Variants in WAC observed in about 807,000 individuals in gnomAD.
WAC encodes the protein WW domain-containing adapter protein with coiled-coil.
WAC carries 11 observed loss-of-function variants against 79.6 expected under a neutral mutation model. The observed-to-expected ratio is 0.14, with a 90% CI of 0.09 to 0.23. The LOEUF (loss-of-function observed/expected upper bound fraction) is 0.23. Among genes scored for constraint, WAC ranks in the 10% least tolerant of loss-of-function variants. The pLI is 1.00. For synonymous variants in WAC, 304 were observed against 276.9 expected (o/e 1.10, Z -0.97); for missense variants, 728 against 773.5 (o/e 0.94, Z 0.70).
chr10:28,606,159 T>A (rs1338971512), intron 7 of WAC, among the ~76,000 whole-genome samples: 1 of 152,088 alleles, frequency 6.6e-6, no homozygotes, highest in African/African-American at 2.4e-5. Context: ...CAGGTGGTTC[T>A]CCCACCTCAG....
At chr10:28,599,722 C>T (rs1391432409) in intron 7 of WAC, among the ~76,000 whole-genome samples, 1 of 152,182 alleles carries the variant, frequency 6.6e-6, no homozygotes, top group South Asian at 2.1e-4. Context: ...TTTGTGCCTG[C>T]ATGAGTAGTC....
At chr10:28,587,330 T>C (rs1564402799) in intron 4 of WAC, among the ~76,000 whole-genome samples, 1 of 152,228 alleles carries the variant, frequency 6.6e-6, no homozygotes, top group East Asian at 1.9e-4. Context: ...CGTATCTGCT[T>C]CTGCATTCAA....
At chr10:28,601,244 G>C (rs866331605) in intron 7 of WAC, among the ~76,000 whole-genome samples, 7 of 152,026 alleles carry the variant, frequency 4.6e-5, no homozygotes, top group Non-Finnish European at 1.0e-4. Context: ...TTCATAAATG[G>C]GCAAAGGACT....
In WAC at chr10:28,619,882, C is replaced by A; in HGVS notation, c.*276C>A. The A allele has an allele frequency of 4.1e-6, 1 of 242,926 alleles. No individual in the cohort carries two copies. 15.0% of individuals were successfully genotyped at this position (242,926 alleles called of 1,614,324 possible). A position where few individuals can be genotyped will look rare whatever the true frequency, so the allele number is the denominator to read the frequency against. On this transcript the variant is annotated 3_prime_UTR_variant, in exon 14 of 14. Transcript: ENST00000354911. ...GAAGCCATGTGTAACAGAGCTTAGA[C>A]ATCCAAAACTAATCAATGCTGAGGT... is the stretch of plus-strand genomic sequence containing the variant.
chr10:28,546,429 G>C (rs1031121265), intron 3 of WAC, among the ~76,000 whole-genome samples: 1 of 152,190 alleles, frequency 6.6e-6, no homozygotes, highest in Non-Finnish European at 1.5e-5. Flanking sequence ...TAGAAGTACT[G>C]TTCTCTGCTG....
intron 2 of WAC, 29 bp from the exon 3 acceptor site, chr10:28,535,533 T>C: frequency 6.5e-7 from 1 of 1,528,968 alleles, no homozygotes; most frequent in Non-Finnish European, 8.8e-7. Flanking sequence ...ATTCTTTCTC[T>C]CTTTTTTTGG....
Position 28,563,101 on chromosome 10 carries a change from C to T in WAC, c.275-20298C>T, listed in dbSNP as rs541857170. 2.0e-5 allele frequency among the ~76,000 whole-genome samples: 3 copies of T among 152,256 alleles called. No individual in the cohort carries two copies. In the East Asian group the frequency reaches 5.8e-4, roughly 29 times the overall value. ...TTTATTTTTTGTAGAGATAGGGTTT[C>T]ACCATGTTGGCCAGGGTGGTCTCGA... On this transcript the variant is annotated intron_variant, in intron 3 of 13. Transcript: ENST00000354911.
At chr10:28,541,423 T>G (rs1239266452) in intron 3 of WAC, among the ~76,000 whole-genome samples, 2 of 136,150 alleles carry the variant, frequency 1.5e-5, no homozygotes, top group African/African-American at 5.4e-5. Context: ...GTGTTTTGTT[T>G]TTTTTTTTTT....
At chr10:28,574,958 C>G (rs374358837) in intron 3 of WAC, among the ~76,000 whole-genome samples, 55 of 150,352 alleles carry the variant, frequency 3.7e-4, no homozygotes, top group African/African-American at 1.2e-3. Context: ...ATGAATGAAT[C>G]AATGAATCAA....
rs904829921 is a variant in WAC at position 28,533,207 on chromosome 10, G to A, written c.-373G>A. On this transcript the variant is annotated 5_prime_UTR_variant, in exon 1 of 14. Transcript: ENST00000354911. Reference sequence around the variant, plus strand: ...GGAGGAGGAGGAGAAGAAGGACCAGGCGGCGGCAGCAGCGGCGGCGGCGGG... The same window carrying A: ...GGAGGAGGAGGAGAAGAAGGACCAGACGGCGGCAGCAGCGGCGGCGGCGGG... 2.3e-5 allele frequency: 4 copies of A among 172,444 alleles called. No individual in the cohort carries two copies. Among genetic ancestry groups the A allele is most frequent in the Non-Finnish European group, 4.8e-5 (4 of 82,730 alleles). The allele number at this position is 172,444 out of a possible 1,614,324, so 10.7% of individuals were successfully genotyped here. A position where few individuals can be genotyped will look rare whatever the true frequency, so the allele number is the denominator to read the frequency against.
intron 3 of WAC, among the ~76,000 whole-genome samples, chr10:28,546,217 T>C (rs1279771965): frequency 6.6e-6 from 1 of 152,228 alleles, no homozygotes; most frequent in South Asian, 2.1e-4. Flanking sequence ...AGAACTAATC[T>C]TTTCTGGTAG....
intron 3 of WAC, among the ~76,000 whole-genome samples, chr10:28,573,155 T>A (rs1475020141): frequency 6.6e-6 from 1 of 152,134 alleles, no homozygotes; most frequent in Non-Finnish European, 1.5e-5. Context: ...GTTAGTATTA[T>A]TGTAGAGACA....
rs779553839 is a variant in WAC, at chr10:28,608,247, C to T, written c.981C>T (p.Ala327=). Residue 327 remains alanine (A), a synonymous_variant, in exon 8 of 14, where the codon GCC becomes GCT. Coordinates refer to ENST00000354911, the MANE Select transcript of WAC (RefSeq NM_016628.5). ...HSCTTPSTSS[A]SGLNPTSAPP... is the part of the protein sequence containing the mutation. ...GCACAACTCCTTCCACGTCTTCTGC[C>T]TCTGGACTGAACCCCACATCTGCAC... 1.2e-6 allele frequency: 2 copies of T among 1,614,178 alleles called. No individual in the cohort carries two copies. The highest frequency in any genetic ancestry group is 2.2e-5 in the South Asian group (2 of 91,084).
intron 5 of WAC, 33 bp downstream of exon 5, chr10:28,589,884 T>C: frequency 6.7e-7 from 1 of 1,485,334 alleles, no homozygotes; most frequent in Non-Finnish European, 9.4e-7. Flanking sequence ...AAACATTATT[T>C]CTCTAGCTTG....
intron 3 of WAC, among the ~76,000 whole-genome samples, chr10:28,565,165 T>G (rs1214627488): frequency 6.6e-6 from 1 of 152,256 alleles, no homozygotes; most frequent in Non-Finnish European, 1.5e-5. Flanking sequence ...TGTTCCTGTT[T>G]TAACCGCTGG....
At chr10:28,534,126 A>C in intron 2 of WAC, 92 bp downstream of exon 2, 1 of 1,302,410 alleles carries the variant, frequency 7.7e-7, no homozygotes, top group South Asian at 1.4e-5. Flanking sequence ...AAGTCGATAC[A>C]GGCCCTTCGG....
intron 6 of WAC, chr10:28,591,114 C>A: frequency 3.1e-6 from 1 of 318,870 alleles, no homozygotes; most frequent in South Asian, 2.9e-5. Flanking sequence ...TTCCCCTGAT[C>A]CCCCCAGACA....
At chr10:28,612,501 A>G (rs1841289710) in intron 10 of WAC, among the ~76,000 whole-genome samples, 1 of 152,208 alleles carries the variant, frequency 6.6e-6, no homozygotes, top group Non-Finnish European at 1.5e-5. Context: ...TTGGCTCCAT[A>G]GGTGCAGTTA....
At chr10:28,596,794 T>C (rs1395075348) in intron 7 of WAC, among the ~76,000 whole-genome samples, 1 of 152,144 alleles carries the variant, frequency 6.6e-6, no homozygotes, top group Admixed American at 6.5e-5. Flanking sequence ...CATTAGTAAG[T>C]GTTGATGCGC....
Sources: gnomAD v4.1 joint callset for allele counts (sites outside exome capture counted in the v4.1 genomes callset) on GRCh38, gnomAD v4.1.1 for gene constraint, MANE v1.5 for transcripts, NCBI Gene and HGNC (gene_info 2026-07-23, HGNC 2026-07-21) for gene names.